Variants in SPNS3 observed in about 807,000 individuals in gnomAD.
SPNS3 encodes the protein protein spinster homolog 3.
In SPNS3, 51 loss-of-function variants were observed where a neutral mutation model predicts 54.4. That is an observed-to-expected ratio of 0.94 (90% CI 0.75 to 1.18). The LOEUF (loss-of-function observed/expected upper bound fraction) is 1.18. Among genes scored for constraint, SPNS3 ranks in the 50% most tolerant of loss-of-function variants. The probability of loss-of-function intolerance (pLI) is 0.00; values close to 1 mark genes in which losing one functional copy is unlikely to be tolerated. For synonymous variants in SPNS3, 309 were observed against 294.7 expected (o/e 1.05, Z -0.50); for missense variants, 669 against 677.4 (o/e 0.99, Z 0.14).
rs754103377 is a variant in SPNS3, at chr17:4,445,075, C to T, written c.309C>T (p.Tyr103=). The change falls in exon 3 of 12, where the codon TAC becomes TAT. Residue 103 remains tyrosine, a synonymous_variant. Coordinates refer to ENST00000355530, the MANE Select transcript of SPNS3 (RefSeq NM_182538.5). The stretch of plus-strand genomic sequence containing the variant: ...TGCTGTCTGCACCTGTGTTTGGCTA[C>T]CTGGGCGACCGACATAGCCGCAAGG... ...CLLLSAPVFG[Y]LGDRHSRKAT... 9.3e-6 allele frequency: 15 copies of T among 1,614,024 alleles called. No homozygotes were observed. The South Asian group carries it at 1.4e-4, about 15-fold the overall frequency.
intron 8 of SPNS3, among the ~76,000 whole-genome samples, chr17:4,463,311 C>A (rs1156764645): frequency 6.6e-6 from 1 of 150,658 alleles, no homozygotes; most frequent in African/African-American, 2.4e-5. Context: ...GCAGGAGAAT[C>A]ACTTGAGCTC....
rs10531598 is a variant in SPNS3, at chr17:4,455,917, T to TG, written c.1113+2722dup. Among the ~76,000 whole-genome samples, 1,199 of 150,828 alleles carry TG rather than the reference T, an allele frequency of 7.9e-3. 13 individuals are homozygous for TG. Among genetic ancestry groups the TG allele is most frequent in the African/African-American group, 0.023 (948 of 40,852 alleles). ...CCTTCCTGGCAAGCACTGCCCTCTGTGGGGGGGGGGTGAGTGTCACCTGAA... is the reference window on the plus strand; with the variant it reads ...CCTTCCTGGCAAGCACTGCCCTCTGTGGGGGGGGGGGTGAGTGTCACCTGAA... On this transcript the variant is annotated intron_variant, in intron 8 of 11. Coordinates refer to ENST00000355530, the MANE Select transcript of SPNS3 (RefSeq NM_182538.5).
At chr17:4,485,598 T>C (rs1014184995) in intron 9 of SPNS3, among the ~76,000 whole-genome samples, 1 of 152,180 alleles carries the variant, frequency 6.6e-6, no homozygotes, top group African/African-American at 2.4e-5. Context: ...GGTTTCACCA[T>C]GTTGCCAGGC....
chr17:4,478,681 G>C, intron 9 of SPNS3, 44 bp downstream of exon 9: 1 of 1,554,722 alleles, frequency 6.4e-7, no homozygotes, highest in East Asian at 2.3e-5. Context: ...GGGGGAGCTG[G>C]AGAGGATTGG....
intron 8 of SPNS3, among the ~76,000 whole-genome samples, chr17:4,457,155 G>A (rs1330394489): frequency 1.3e-5 from 2 of 152,164 alleles, no homozygotes; most frequent in Non-Finnish European, 2.9e-5. Flanking sequence ...ATTTTGGGAG[G>A]CCAAAGTGAG....
chr17:4,469,365 G>T (rs1971794425), intron 8 of SPNS3, among the ~76,000 whole-genome samples: 1 of 152,214 alleles, frequency 6.6e-6, no homozygotes, highest in Non-Finnish European at 1.5e-5. Context: ...GGGATTACAG[G>T]CGTGAGCCAC....
Position 4,448,174 on chromosome 17 carries a change from C to T in SPNS3, c.641C>T (p.Ala214Val), listed in dbSNP as rs1364105934. ...WALRVMPCLE[A>V]VALILLILLV... ...CCCCAGGTCATGCCCTGCCTGGAGG[C>T]CGTGGCCTTGATCCTGCTTATCCTG... Residue 214 changes from alanine (A) to valine (V), a missense_variant, in exon 6 of 12, where the codon GCC becomes GTC. Ala to Val is a moderately conservative substitution (Grantham distance 64). Transcript: ENST00000355530. 2 of 1,599,178 alleles carry T rather than the reference C, an allele frequency of 1.3e-6. No homozygotes were observed. The highest frequency in any genetic ancestry group is 3.5e-5 in the Admixed American group (2 of 57,118).
At chr17:4,438,803 T>G (rs1369600974) in intron 1 of SPNS3, among the ~76,000 whole-genome samples, 2 of 152,262 alleles carry the variant, frequency 1.3e-5, no homozygotes, top group Non-Finnish European at 2.9e-5. Flanking sequence ...CTGCCGCTCC[T>G]CTGACTGCAG....
At chr17:4,435,745 C>T (rs947020153) in intron 1 of SPNS3, among the ~76,000 whole-genome samples, 1 of 148,180 alleles carries the variant, frequency 6.7e-6, no homozygotes, top group Non-Finnish European at 1.5e-5. Context: ...CACTCATTCA[C>T]TAACTCACTC....
rs925895136 is a variant in SPNS3 at position 4,486,742 on chromosome 17, AG to A, written c.1450+160del. ...CCAGGGAAGGTTGCAGATGCTGGGG[AG>A]TGAAAGAATGAGGCCAAGTCCAGGC... On this transcript the variant is annotated intron_variant, in intron 11 of 11. Coordinates refer to ENST00000355530, the MANE Select transcript of SPNS3 (RefSeq NM_182538.5). This position sits in a 1 kb window ranked among gnomAD's most constrained non-coding sequence, Gnocchi z 5.5. 5.9e-5 allele frequency among the ~76,000 whole-genome samples: 9 copies of A among 152,278 alleles called. No individual in the cohort carries two copies. Among genetic ancestry groups the A allele is most frequent in the Non-Finnish European group, 7.4e-5 (5 of 68,016 alleles).
intron 8 of SPNS3, among the ~76,000 whole-genome samples, chr17:4,476,579 G>A (rs572106432): frequency 2.0e-5 from 3 of 152,250 alleles, no homozygotes; most frequent in South Asian, 4.1e-4. Flanking sequence ...GGTGTGAGTC[G>A]GGCTGGGCTT....
chr17:4,463,340 T>C (rs1971588494), intron 8 of SPNS3, among the ~76,000 whole-genome samples: 2 of 148,022 alleles, frequency 1.4e-5, no homozygotes, highest in South Asian at 2.1e-4. Context: ...GAGGTTGCAG[T>C]GAGCCGAGAT....
Position 4,453,202 on chromosome 17 carries a change from C to A in SPNS3, c.1110C>A (p.Ser370=). 6.2e-7 allele frequency: 1 copy of A among 1,612,014 alleles called. No individual in the cohort carries two copies. Among genetic ancestry groups the A allele is most frequent in the Non-Finnish European group, 8.5e-7 (1 of 1,179,304 alleles). The part of the protein sequence containing the change: ...LVLAPTTLLA[S]YVFLGLGELL... ...TGGCCCCGACCACCCTGCTGGCCTC[C>A]TATGTAAGTGAGAGCCTCTATGGAG... The change falls in exon 8 of 12, where the codon TCC becomes TCA. Residue 370 remains serine, a synonymous_variant. Transcript: ENST00000355530.
chr17:4,461,356 C>CTTTT (rs368514624), intron 8 of SPNS3, among the ~76,000 whole-genome samples: 2 of 56,994 alleles, frequency 3.5e-5, no homozygotes, highest in Admixed American at 1.9e-4. Flanking sequence ...CTTTTCTTTT[C>CTTTT]TTTTCTTTTT....
intron 5 of SPNS3, 133 bp downstream of exon 5, chr17:4,447,095 G>C: frequency 1.1e-6 from 1 of 911,558 alleles, no homozygotes; most frequent in Non-Finnish European, 1.7e-6. Flanking sequence ...GTCAGGCATC[G>C]GCAGCTTTGG....
At chr17:4,446,851 G>A (rs760710613) in intron 4 of SPNS3, 45 bp from the exon 5 acceptor site, 23 of 1,587,648 alleles carry the variant, frequency 1.4e-5, no homozygotes, top group Middle Eastern at 1.8e-4. Context: ...TCTGCCTTCC[G>A]CCTCCCTCCC....
chr17:4,466,358 G>A (rs1397435046), intron 8 of SPNS3, among the ~76,000 whole-genome samples: 4 of 152,034 alleles, frequency 2.6e-5, no homozygotes, highest in Non-Finnish European at 5.9e-5. Context: ...TGGCCAACAT[G>A]GTGAAACCCT....
chr17:4,449,513 T>C, intron 7 of SPNS3, 126 bp downstream of exon 7: 1 of 1,168,530 alleles, frequency 8.6e-7, no homozygotes, highest in Non-Finnish European at 1.2e-6. Flanking sequence ...GTGAAGACAG[T>C]GGAGCTCAGG....
At chr17:4,446,316 C>A in intron 4 of SPNS3, 117 bp downstream of exon 4, 1 of 1,107,232 alleles carries the variant, frequency 9.0e-7, no homozygotes, top group Non-Finnish European at 1.3e-6. Context: ...ATTTGAGTCC[C>A]AATGCTACCC....
Sources: allele counts gnomAD v4.1 joint callset (sites outside exome capture counted in the v4.1 genomes callset), GRCh38; gene constraint gnomAD v4.1.1; non-coding constraint Gnocchi (gnomAD v3.1); transcripts MANE v1.5; gene names NCBI Gene and HGNC (gene_info 2026-07-23, HGNC 2026-07-21).